DYM: variants seen among roughly 807,000 people sequenced by gnomAD.
The protein encoded by DYM is dymeclin.
A neutral mutation model predicts 93.1 loss-of-function variants in DYM; 78 were observed. The observed-to-expected ratio is 0.84, with a 90% CI of 0.70 to 1.01. The LOEUF (loss-of-function observed/expected upper bound fraction) is 1.01, where lower values mean the gene tolerates loss of function less well. Among genes scored for constraint, DYM ranks in the 50% least tolerant of loss-of-function variants. The pLI, the probability that DYM is intolerant of heterozygous loss-of-function variation, is 0.00. For missense variants in DYM, 789 were observed against 845.0 expected, an observed-to-expected ratio of 0.93 and a Z score of 0.82; for synonymous variants, 321 against 319.7, an observed-to-expected ratio of 1.00 and a Z score of -0.04.
rs80249660 is a variant in DYM at position 49,153,259 on chromosome 18, C to A, written c.1728+10426G>T. Among the ~76,000 whole-genome samples the A allele has an allele frequency of 3.8e-3, 579 of 152,134 alleles. 3 individuals are homozygous for A. The highest frequency in any genetic ancestry group is 0.014 in the African/African-American group (563 of 41,512). On this transcript the variant is annotated intron_variant, in intron 15 of 17. Transcript: ENST00000675505. ...TTTTTTATTTATTATGACTCATAAACCTGGGAAAAAAATCGATTGCACTAA... is the reference window on the plus strand; with the variant it reads ...TTTTTTATTTATTATGACTCATAAAACTGGGAAAAAAATCGATTGCACTAA...
intron 8 of DYM, among the ~76,000 whole-genome samples, chr18:49,330,410 T>TC (rs1025372618): frequency 8.8e-4 from 134 of 152,300 alleles, no homozygotes; most frequent in African/African-American, 2.8e-3. Context: ...TTAAGGGGCT[T>TC]CCTTCCTGCT....
chr18:49,149,714 T>TG (rs1358265051), intron 15 of DYM, among the ~76,000 whole-genome samples: 10 of 143,300 alleles, frequency 7.0e-5, no homozygotes, highest in African/African-American at 2.6e-4. Flanking sequence ...TTTTTTTTTT[T>TG]TTTTTTTTTT....
chr18:49,259,292 A>C (rs1264123558), intron 11 of DYM, among the ~76,000 whole-genome samples: 1 of 152,202 alleles, frequency 6.6e-6, no homozygotes, highest in Non-Finnish European at 1.5e-5. Flanking sequence ...CAAAACCACC[A>C]AGTGAAGACA....
At position 49,043,695 on chromosome 18, in the gene DYM, G is replaced by A. The variant is rs1033540172; in HGVS notation, c.*360C>T. 2.9e-5 allele frequency: 8 copies of A among 278,246 alleles called. No homozygotes were observed. The highest frequency in any genetic ancestry group is 5.5e-5 in the Non-Finnish European group (8 of 145,266). The allele number at this position is 278,246 out of a possible 1,614,324, so 17.2% of individuals were successfully genotyped here. ...ACGCTTTTGAATAGTGTGCACTGTTGAATAGTGTGCACTGTTGGATAGTGT... is the reference window on the plus strand; with the variant it reads ...ACGCTTTTGAATAGTGTGCACTGTTAAATAGTGTGCACTGTTGGATAGTGT... On this transcript the variant is annotated 3_prime_UTR_variant, in exon 18 of 18. Coordinates refer to ENST00000675505, the MANE Select transcript of DYM (RefSeq NM_001353214.3).
At chr18:49,199,412 C>G (rs918859914) in intron 14 of DYM, among the ~76,000 whole-genome samples, 8 of 152,122 alleles carry the variant, frequency 5.3e-5, no homozygotes, top group African/African-American at 1.9e-4. Context: ...ATTTTCTTAC[C>G]AACTTTTCTG....
chr18:49,180,612 A>AT (rs1363781524), intron 14 of DYM, among the ~76,000 whole-genome samples: 1 of 152,190 alleles, frequency 6.6e-6, no homozygotes, highest in African/African-American at 2.4e-5. Context: ...CTAGCATCAT[A>AT]TAATATTTAT....
At chr18:49,171,023 CA>C (rs757003503) in intron 14 of DYM, among the ~76,000 whole-genome samples, 1 of 151,772 alleles carries the variant, frequency 6.6e-6, no homozygotes, top group East Asian at 1.9e-4. Flanking sequence ...CCAACAACAA[CA>C]AAAAAACAAA....
At chr18:49,240,262 T>G (rs1241518788) in intron 13 of DYM, among the ~76,000 whole-genome samples, 1 of 152,174 alleles carries the variant, frequency 6.6e-6, no homozygotes, top group Non-Finnish European at 1.5e-5. Flanking sequence ...TGCTGGTTCT[T>G]ATACTTTTCT....
intron 17 of DYM, among the ~76,000 whole-genome samples, chr18:49,092,314 T>C (rs1478538315): frequency 6.6e-6 from 1 of 152,214 alleles, no homozygotes; most frequent in East Asian, 1.9e-4. Context: ...GGATTTCTCT[T>C]TCATCCCAGC....
chr18:49,221,987 A>C (rs578142522), intron 13 of DYM, among the ~76,000 whole-genome samples: 1 of 10,996 alleles, frequency 9.1e-5, no homozygotes, highest in Non-Finnish European at 4.1e-4. Flanking sequence ...GTTATTTTAT[A>C]AAAAAAAAAG....
At chr18:49,405,508 T>A (rs1214768844) in intron 2 of DYM, among the ~76,000 whole-genome samples, 1 of 152,220 alleles carries the variant, frequency 6.6e-6, no homozygotes, top group Non-Finnish European at 1.5e-5. Flanking sequence ...GTCTTTTCCT[T>A]ATGATTTTTG....
chr18:49,332,121 T>C (rs2063351395), intron 7 of DYM, 115 bp from the exon 8 acceptor site: 5 of 1,096,522 alleles, frequency 4.6e-6, no homozygotes, highest in Non-Finnish European at 6.7e-6. Flanking sequence ...AAAGGGCTAT[T>C]GGCACAACTC....
At chr18:49,184,911 T>C (rs368446741) in intron 14 of DYM, among the ~76,000 whole-genome samples, 10 of 152,266 alleles carry the variant, frequency 6.6e-5, no homozygotes, top group South Asian at 2.1e-4. Flanking sequence ...AAAATAACCA[T>C]CATTTATGAC....
chr18:49,200,154 G>A (rs8088167), intron 14 of DYM, among the ~76,000 whole-genome samples: 2,302 of 152,148 alleles, frequency 0.015, 65 homozygotes, highest in African/African-American at 0.053. Context: ...GGGAAAAAAG[G>A]AAAGAAAATC....
At chr18:49,101,980 ACACT>A in intron 16 of DYM, among the ~76,000 whole-genome samples, 1 of 152,324 alleles carries the variant, frequency 6.6e-6, no homozygotes, top group East Asian at 1.9e-4. Flanking sequence ...GACTTGTAAA[ACACT>A]CAACATCTAG....
intron 14 of DYM, among the ~76,000 whole-genome samples, chr18:49,167,071 C>T (rs1162322765): frequency 3.3e-5 from 5 of 149,398 alleles, no homozygotes; most frequent in African/African-American, 4.9e-5. Flanking sequence ...TATCAGAGAA[C>T]AATAGAGGTG....
intron 11 of DYM, among the ~76,000 whole-genome samples, chr18:49,260,712 C>T (rs1201724833): frequency 1.3e-5 from 2 of 152,146 alleles, no homozygotes; most frequent in East Asian, 3.8e-4. Context: ...ATCTTGAACA[C>T]TACACATCTG....
intron 15 of DYM, among the ~76,000 whole-genome samples, chr18:49,152,485 G>A (rs1350825874): frequency 6.6e-6 from 1 of 152,088 alleles, no homozygotes; most frequent in Non-Finnish European, 1.5e-5. Context: ...GTAGGGTCAG[G>A]GGGGATGAGG....
intron 17 of DYM, among the ~76,000 whole-genome samples, chr18:49,083,219 T>C (rs1007407254): frequency 6.6e-6 from 1 of 152,180 alleles, no homozygotes; most frequent in African/African-American, 2.4e-5. Context: ...CAGGCAGGAT[T>C]TGGCCTGTGG....
Sources: allele counts gnomAD v4.1 joint callset (sites outside exome capture counted in the v4.1 genomes callset), GRCh38; gene constraint gnomAD v4.1.1; transcripts MANE v1.5; gene names NCBI Gene and HGNC (gene_info 2026-07-23, HGNC 2026-07-21).